PDLIM5: variants seen among roughly 807,000 people sequenced by gnomAD.
PDLIM5 encodes PDZ and LIM domain protein 5.
A neutral mutation model predicts 64.2 loss-of-function variants in PDLIM5; 34 were observed. The observed-to-expected ratio is 0.53, with a 90% CI of 0.40 to 0.71. The LOEUF (loss-of-function observed/expected upper bound fraction) is 0.71. PDLIM5 is among the 30% of genes least tolerant of loss of function. The pLI, the probability that PDLIM5 is intolerant of heterozygous loss-of-function variation, is 0.00. For synonymous variants in PDLIM5, 253 were observed against 269.1 expected, an observed-to-expected ratio of 0.94 and a Z score of 0.59; for missense variants, 683 against 733.6, an observed-to-expected ratio of 0.93 and a Z score of 0.80.
chr4:94,474,289 C>T (rs996756483), intron 2 of PDLIM5, among the ~76,000 whole-genome samples: 2 of 152,238 alleles, frequency 1.3e-5, no homozygotes, highest in East Asian at 1.9e-4. Flanking sequence ...CTTGCTCTGT[C>T]GCCCAGGGTG....
At chr4:94,534,864 C>T (rs1371033418) in intron 3 of PDLIM5, among the ~76,000 whole-genome samples, 1 of 152,170 alleles carries the variant, frequency 6.6e-6, no homozygotes, top group East Asian at 1.9e-4. Context: ...CTTGACTTCC[C>T]TGACTTCCCT....
At chr4:94,503,417 T>G (rs1164797813) in intron 2 of PDLIM5, among the ~76,000 whole-genome samples, 1 of 152,210 alleles carries the variant, frequency 6.6e-6, no homozygotes, top group Non-Finnish European at 1.5e-5. Context: ...TTTGAATAAC[T>G]TGGGTATTTT....
chr4:94,544,970 A>T (rs1023392381), intron 3 of PDLIM5, among the ~76,000 whole-genome samples: 1 of 152,218 alleles, frequency 6.6e-6, no homozygotes, highest in Non-Finnish European at 1.5e-5. Context: ...TGGCAACAGC[A>T]TAGGCTTGTT....
intron 7 of PDLIM5, among the ~76,000 whole-genome samples, chr4:94,614,774 A>G (rs925277066): frequency 1.3e-5 from 2 of 152,228 alleles, no homozygotes; most frequent in African/African-American, 2.4e-5. Context: ...TACAAAAGGT[A>G]CAATCAAAAA....
intron 2 of PDLIM5, among the ~76,000 whole-genome samples, chr4:94,484,697 T>A (rs1373652085): frequency 2.6e-5 from 4 of 152,206 alleles, no homozygotes; most frequent in Non-Finnish European, 5.9e-5. Flanking sequence ...TGTGTTATAC[T>A]GTACTAAAAG....
chr4:94,652,698 T>A (rs2074291478), intron 9 of PDLIM5, among the ~76,000 whole-genome samples: 1 of 152,170 alleles, frequency 6.6e-6, no homozygotes, highest in Non-Finnish European at 1.5e-5. Flanking sequence ...TCCTTATTAG[T>A]CATAACAAAA....
intron 2 of PDLIM5, among the ~76,000 whole-genome samples, chr4:94,514,043 T>C (rs1448670059): frequency 1.3e-5 from 2 of 152,202 alleles, no homozygotes; most frequent in Non-Finnish European, 2.9e-5. Context: ...TACATTTGTT[T>C]AACCATCCTT....
intron 7 of PDLIM5, among the ~76,000 whole-genome samples, chr4:94,604,005 T>C (rs1737709950): frequency 6.6e-6 from 1 of 152,206 alleles, no homozygotes; most frequent in East Asian, 1.9e-4. Context: ...CTACTGCTCA[T>C]AGGAGACAGC....
intron 3 of PDLIM5, among the ~76,000 whole-genome samples, chr4:94,562,259 T>G (rs754920634): frequency 6.6e-6 from 1 of 152,146 alleles, no homozygotes; most frequent in African/African-American, 2.4e-5. Flanking sequence ...ATATATTCAG[T>G]TTTTTTGGGT....
chr4:94,474,684 G>A (rs1725171411), intron 2 of PDLIM5, among the ~76,000 whole-genome samples: 3 of 152,124 alleles, frequency 2.0e-5, no homozygotes, highest in African/African-American at 7.2e-5. Context: ...TTTAGAGACA[G>A]GGTCTTGCTC....
chr4:94,633,617 G>A (rs1247938330), intron 8 of PDLIM5, among the ~76,000 whole-genome samples: 2 of 152,126 alleles, frequency 1.3e-5, no homozygotes, highest in African/African-American at 2.4e-5. Flanking sequence ...TCTGGTGCAG[G>A]AGTCATTTTT....
In PDLIM5 at chr4:94,626,013, G is replaced by A. The variant is rs114635610; in HGVS notation, c.1108+7822G>A. Among the ~76,000 whole-genome samples the A allele has an allele frequency of 9.2e-3, 1,400 of 152,282 alleles. 21 individuals carry two copies. The highest frequency in any genetic ancestry group is 0.031 in the African/African-American group (1,272 of 41,566). On this transcript the variant is annotated intron_variant, in intron 8 of 12. Transcript: ENST00000317968. Reference sequence around the variant, plus strand: ...TGTGTTTTGAAGAAGCATGATACAAGTAAGCTATACATATAAAAGTTGTGA... The same window carrying A: ...TGTGTTTTGAAGAAGCATGATACAAATAAGCTATACATATAAAAGTTGTGA...
intron 3 of PDLIM5, among the ~76,000 whole-genome samples, chr4:94,528,857 A>C (rs1388209068): frequency 6.6e-6 from 1 of 152,224 alleles, no homozygotes; most frequent in Non-Finnish European, 1.5e-5. Flanking sequence ...CCAGATATCC[A>C]ATAACCTTCT....
At chr4:94,636,033 G>A (rs191867493) in intron 8 of PDLIM5, among the ~76,000 whole-genome samples, 317 of 152,288 alleles carry the variant, frequency 2.1e-3, no homozygotes, top group African/African-American at 7.3e-3. Flanking sequence ...GAAAGGAATA[G>A]CGGTAGAACT....
intron 2 of PDLIM5, among the ~76,000 whole-genome samples, chr4:94,459,594 A>G (rs1021455419): frequency 6.6e-6 from 1 of 152,214 alleles, no homozygotes; most frequent in African/African-American, 2.4e-5. Context: ...ACTGAAGAAG[A>G]TACAAAGTGG....
intron 3 of PDLIM5, among the ~76,000 whole-genome samples, chr4:94,565,729 C>G (rs531038876): frequency 1.3e-5 from 2 of 152,158 alleles, no homozygotes; most frequent in Admixed American, 1.3e-4. Flanking sequence ...AAATACTCCT[C>G]TTTTCTGGAA....
At chr4:94,626,819 C>CA (rs1739736325) in intron 8 of PDLIM5, among the ~76,000 whole-genome samples, 1 of 151,192 alleles carries the variant, frequency 6.6e-6, no homozygotes, top group Non-Finnish European at 1.5e-5. Context: ...GAGAAAGACT[C>CA]AAATATATTT....
At chr4:94,634,794 GAAAAC>G (rs1417077639) in intron 8 of PDLIM5, among the ~76,000 whole-genome samples, 3 of 152,144 alleles carry the variant, frequency 2.0e-5, no homozygotes, top group Non-Finnish European at 4.4e-5. Flanking sequence ...AATCCGGTGA[GAAAAC>G]ATCTGTTTTC....
chr4:94,646,992 C>T (rs1409601830), intron 9 of PDLIM5, among the ~76,000 whole-genome samples: 1 of 152,200 alleles, frequency 6.6e-6, no homozygotes. Flanking sequence ...ACCCATTTCA[C>T]ATCTTCTTTC....
Sources: allele counts gnomAD v4.1 joint callset (sites outside exome capture counted in the v4.1 genomes callset), GRCh38; gene constraint gnomAD v4.1.1; transcripts MANE v1.5; gene names NCBI Gene and HGNC (gene_info 2026-07-23, HGNC 2026-07-21).